Variants in ZFHX3 observed in about 807,000 individuals in gnomAD.
The protein encoded by ZFHX3 is zinc finger homeobox 3, also known as zinc finger homeobox protein 3.
Under a neutral mutation model 279.1 loss-of-function variants are expected in ZFHX3, and 42 were observed. The ratio of observed to expected loss-of-function variants is 0.15; its 90% confidence interval spans 0.12 to 0.19. The LOEUF (loss-of-function observed/expected upper bound fraction) is 0.19, where lower values mean the gene tolerates loss of function less well. ZFHX3 is among the 10% of genes least tolerant of loss of function. The pLI is 1.00. For synonymous variants in ZFHX3, 2,293 were observed against 1,957.8 expected (o/e 1.17, Z -4.52); for missense variants, 4,981 against 4,754.0 (o/e 1.05, Z -1.40).
intron 1 of ZFHX3, among the ~76,000 whole-genome samples, chr16:73,024,520 C>G (rs1034219099): frequency 6.6e-6 from 1 of 152,154 alleles, no homozygotes; most frequent in African/African-American, 2.4e-5. Flanking sequence ...GCAAATAAGC[C>G]CACGTGAGTT....
At chr16:73,726,237 G>A (rs1260703366) in intron 1 of ZFHX3, among the ~76,000 whole-genome samples, 1 of 152,172 alleles carries the variant, frequency 6.6e-6, no homozygotes, top group Non-Finnish European at 1.5e-5. Flanking sequence ...CAGTGGGGCT[G>A]GCTCTTAAAT....
At chr16:72,906,812 C>G (rs553021133) in intron 3 of ZFHX3, among the ~76,000 whole-genome samples, 4 of 152,132 alleles carry the variant, frequency 2.6e-5, no homozygotes, top group South Asian at 4.2e-4. Flanking sequence ...CCTTCCCCCC[C>G]TCAAAAAACT....
At chr16:73,014,103 T>C (rs1964012288) in intron 1 of ZFHX3, among the ~76,000 whole-genome samples, 1 of 152,004 alleles carries the variant, frequency 6.6e-6, no homozygotes, top group Admixed American at 6.6e-5. Flanking sequence ...AACAGAAGCA[T>C]GACACAGAGT....
chr16:73,169,282 C>T (rs541992091), intron 5 of ZFHX3, among the ~76,000 whole-genome samples: 2 of 152,310 alleles, frequency 1.3e-5, no homozygotes, highest in East Asian at 3.9e-4. Flanking sequence ...AGACTAAGGG[C>T]ATACTCTGAA....
intron 3 of ZFHX3, among the ~76,000 whole-genome samples, chr16:73,374,803 A>G (rs2016694048): frequency 1.3e-5 from 2 of 152,152 alleles, no homozygotes; most frequent in African/African-American, 4.8e-5. Context: ...GATTTTGCAG[A>G]TTGCATTCTT....
intron 2 of ZFHX3, among the ~76,000 whole-genome samples, chr16:73,507,303 GA>G (rs1442303814): frequency 6.6e-6 from 1 of 152,124 alleles, no homozygotes; most frequent in Non-Finnish European, 1.5e-5. Flanking sequence ...ACATAGGATA[GA>G]TACTGAGTTT....
chr16:73,052,747 G>A (rs1041819846), upstream of ZFHX3, among the ~76,000 whole-genome samples: 1 of 152,160 alleles, frequency 6.6e-6, no homozygotes, highest in Non-Finnish European at 1.5e-5. Context: ...AAAAAAATAG[G>A]ACAAATGTTT....
rs181688786 is a variant in ZFHX3, at chr16:73,465,528, C to T, written c.-1546-9270G>A. ...CTCCTTACCTGCTCCTTCTCCGGTT[C>T]CCCATCACCTACAGCATCGTCCACA... On this transcript the variant is annotated intron_variant, in intron 2 of 17. Coordinates refer to the ZFHX3 transcript ENST00000641206. Among the ~76,000 whole-genome samples, 311 of 147,928 alleles carry T rather than the reference C, an allele frequency of 2.1e-3. 2 individuals are homozygous for T. The highest frequency in any genetic ancestry group is 0.02 in the Middle Eastern group (6 of 294).
chr16:73,797,576 G>T (rs1320431400), intron 1 of ZFHX3, among the ~76,000 whole-genome samples: 1 of 152,138 alleles, frequency 6.6e-6, no homozygotes, highest in Non-Finnish European at 1.5e-5. Flanking sequence ...AAATTTTCAA[G>T]TATGATTCAT....
At chr16:72,829,664 C>G (rs932256435) in intron 5 of ZFHX3, 115 bp downstream of exon 5, 1 of 1,150,254 alleles carries the variant, frequency 8.7e-7, no homozygotes, top group African/African-American at 1.5e-5. Context: ...TCTGGGCAGA[C>G]TAAGGATGTA....
chr16:73,507,709 C>T (rs922367294), intron 2 of ZFHX3, among the ~76,000 whole-genome samples: 2 of 151,828 alleles, frequency 1.3e-5, no homozygotes, highest in African/African-American at 4.8e-5. Flanking sequence ...TTTTGTTGCC[C>T]AGGCTGGTGT....
chr16:73,428,159 A>T (rs1415592968), intron 3 of ZFHX3, among the ~76,000 whole-genome samples: 1 of 152,190 alleles, frequency 6.6e-6, no homozygotes, highest in Non-Finnish European at 1.5e-5. Flanking sequence ...TTTGAGAACC[A>T]GAACCAGCCT....
At chr16:72,947,849 T>C (rs961902116) in intron 3 of ZFHX3, among the ~76,000 whole-genome samples, 1 of 152,120 alleles carries the variant, frequency 6.6e-6, no homozygotes, top group Non-Finnish European at 1.5e-5. Flanking sequence ...CTAAACTGAT[T>C]ATGCATGTGC....
At chr16:73,843,478 G>A (rs1403181110) in intron 1 of ZFHX3, among the ~76,000 whole-genome samples, 1 of 152,236 alleles carries the variant, frequency 6.6e-6, no homozygotes, top group Non-Finnish European at 1.5e-5. Flanking sequence ...AGTCAAAGAT[G>A]ACAGGGTCTG....
chr16:73,671,598 T>C (rs2052904761), intron 2 of ZFHX3, among the ~76,000 whole-genome samples: 2 of 152,226 alleles, frequency 1.3e-5, no homozygotes, highest in Admixed American at 1.3e-4. Context: ...TGCAGTGAAA[T>C]GTAAATACAT....
At chr16:72,935,480 C>T (rs551326553) in intron 3 of ZFHX3, among the ~76,000 whole-genome samples, 1 of 152,280 alleles carries the variant, frequency 6.6e-6, no homozygotes, top group East Asian at 1.9e-4. Context: ...GTAGCTCACA[C>T]CTGTAATCCC....
chr16:72,932,189 T>C (rs1235216896), intron 3 of ZFHX3, among the ~76,000 whole-genome samples: 3 of 152,178 alleles, frequency 2.0e-5, no homozygotes, highest in Non-Finnish European at 2.9e-5. Flanking sequence ...GGGAAATACA[T>C]GTGTGTTGAT....
At chr16:73,118,469 A>T (rs1966458139) in intron 7 of ZFHX3, among the ~76,000 whole-genome samples, 1 of 151,962 alleles carries the variant, frequency 6.6e-6, no homozygotes, top group South Asian at 2.1e-4. Flanking sequence ...CCGCCTCCCA[A>T]AGTGCTGGGA....
intron 5 of ZFHX3, among the ~76,000 whole-genome samples, chr16:73,185,537 C>A (rs1010138302): frequency 6.6e-6 from 1 of 152,102 alleles, no homozygotes; most frequent in Non-Finnish European, 1.5e-5. Flanking sequence ...AAAGCTATTC[C>A]TTTTGTGTGG....
Sources: gnomAD v4.1 joint callset for allele counts (sites outside exome capture counted in the v4.1 genomes callset) on GRCh38, gnomAD v4.1.1 for gene constraint, MANE v1.5 for transcripts, NCBI Gene and HGNC (gene_info 2026-07-23, HGNC 2026-07-21) for gene names.